The following GRXCR1 variants were observed in gnomAD, a reference collection of about 807,000 sequenced individuals.
GRXCR1 encodes the protein glutaredoxin and cysteine rich domain containing 1.
Under a neutral mutation model 27.3 loss-of-function variants are expected in GRXCR1, and 27 were observed. The observed-to-expected ratio is 0.99, with a 90% CI of 0.73 to 1.37. The LOEUF (loss-of-function observed/expected upper bound fraction) is 1.37. Among genes scored for constraint, GRXCR1 ranks in the 40% most tolerant of loss-of-function variants. The probability of loss-of-function intolerance (pLI) is 0.00; values close to 1 mark genes in which losing one functional copy is unlikely to be tolerated. For missense variants in GRXCR1, 379 were observed against 354.4 expected (o/e 1.07, Z -0.56); for synonymous variants, 122 against 131.1 (o/e 0.93, Z 0.47).
chr4:42,930,799 G>C (rs550658680), intron 1 of GRXCR1, among the ~76,000 whole-genome samples: 14 of 152,042 alleles, frequency 9.2e-5, no homozygotes, highest in African/African-American at 3.1e-4. Flanking sequence ...CATAGTCCCT[G>C]GCACATAGAA....
intron 1 of GRXCR1, among the ~76,000 whole-genome samples, chr4:42,915,175 G>A (rs867970206): frequency 3.2e-4 from 49 of 152,102 alleles, no homozygotes; most frequent in Admixed American, 3.1e-3. Context: ...TAAAAGAGGC[G>A]GGGTAAACCT....
chr4:42,980,898 G>T (rs914819254), intron 2 of GRXCR1, among the ~76,000 whole-genome samples: 1 of 150,048 alleles, frequency 6.7e-6, no homozygotes, highest in Non-Finnish European at 1.5e-5. Context: ...CAGTCTTTAT[G>T]TGCCCTTACA....
intron 3 of GRXCR1, among the ~76,000 whole-genome samples, chr4:43,020,858 G>A (rs185703615): frequency 1.4e-4 from 22 of 152,242 alleles, no homozygotes; most frequent in Non-Finnish European, 2.6e-4. Flanking sequence ...GTATTCCTGT[G>A]CTTATACATA....
intron 1 of GRXCR1, among the ~76,000 whole-genome samples, chr4:42,961,725 G>T (rs778808339): frequency 2.0e-4 from 30 of 151,918 alleles, no homozygotes; most frequent in Non-Finnish European, 4.0e-4. Flanking sequence ...CTCTCCATAA[G>T]GTGGAGAACT....
At chr4:42,974,606 G>C (rs978145687) in intron 2 of GRXCR1, among the ~76,000 whole-genome samples, 6 of 152,054 alleles carry the variant, frequency 3.9e-5, no homozygotes, top group Non-Finnish European at 8.8e-5. Context: ...TATAGGGCCG[G>C]TTTCAGTCCC....
chr4:42,934,656 G>A (rs1328689972), intron 1 of GRXCR1, among the ~76,000 whole-genome samples: 2 of 151,836 alleles, frequency 1.3e-5, no homozygotes, highest in Non-Finnish European at 2.9e-5. Flanking sequence ...TCTATTTTGT[G>A]TTTTTACAAA....
intron 1 of GRXCR1, among the ~76,000 whole-genome samples, chr4:42,907,457 C>T (rs1308412243): frequency 6.6e-6 from 1 of 152,160 alleles, no homozygotes; most frequent in Non-Finnish European, 1.5e-5. Flanking sequence ...AGACACCTCT[C>T]CTCTTAGCTA....
rs375277836 is a variant in GRXCR1 at position 42,927,896 on chromosome 4, A to G, written c.384+34246A>G. ...GGAAGTGATCTCAGGAAGCCCCTGT[A>G]GGAGAGTGGGGATTGAGCAGAGAAG... On this transcript the variant is annotated intron_variant, in intron 1 of 3. Transcript: ENST00000399770. Among the ~76,000 whole-genome samples, 5 of 151,962 alleles carry G rather than the reference A, an allele frequency of 3.3e-5. No homozygotes were observed. The East Asian group carries it at 9.7e-4, about 30-fold the overall frequency.
chr4:42,986,393 G>A (rs954434531), intron 2 of GRXCR1, among the ~76,000 whole-genome samples: 3 of 152,212 alleles, frequency 2.0e-5, no homozygotes, highest in Admixed American at 6.5e-5. Context: ...TGGGCCCAGG[G>A]GCCAGTCAAT....
At chr4:42,979,318 G>A (rs182597283) in intron 2 of GRXCR1, among the ~76,000 whole-genome samples, 187 of 152,136 alleles carry the variant, frequency 1.2e-3, no homozygotes, top group African/African-American at 4.3e-3. Context: ...TTAGCTATGA[G>A]TTTGTGATAT....
chr4:42,906,749 C>T (rs1055020411), intron 1 of GRXCR1, among the ~76,000 whole-genome samples: 2 of 152,118 alleles, frequency 1.3e-5, no homozygotes, highest in African/African-American at 2.4e-5. Flanking sequence ...TGGAAACTAT[C>T]GCAGGTGCCT....
At chr4:42,921,296 A>G (rs1243918982) in intron 1 of GRXCR1, among the ~76,000 whole-genome samples, 1 of 152,132 alleles carries the variant, frequency 6.6e-6, no homozygotes, top group Non-Finnish European at 1.5e-5. Flanking sequence ...CCCACCCTCT[A>G]GAACTCAGAG....
intron 2 of GRXCR1, among the ~76,000 whole-genome samples, chr4:42,970,859 G>A (rs1271854669): frequency 2.6e-5 from 4 of 152,056 alleles, no homozygotes; most frequent in African/African-American, 9.7e-5. Flanking sequence ...TCTACCACAT[G>A]GTCAGGCTGC....
intron 1 of GRXCR1, among the ~76,000 whole-genome samples, chr4:42,954,271 C>T (rs1282947136): frequency 1.3e-5 from 2 of 152,134 alleles, no homozygotes; most frequent in Admixed American, 6.6e-5. Context: ...TGAGAAGTGA[C>T]ATTTAACCAG....
At chr4:42,995,098 A>C (rs1199173276) in intron 2 of GRXCR1, among the ~76,000 whole-genome samples, 2 of 152,190 alleles carry the variant, frequency 1.3e-5, no homozygotes, top group East Asian at 1.9e-4. Context: ...GTCTATATAC[A>C]TAAACTTGGG....
chr4:42,950,671 A>G (rs12501034), intron 1 of GRXCR1, among the ~76,000 whole-genome samples: 7,756 of 152,204 alleles, frequency 0.051, 258 homozygotes, highest in African/African-American at 0.091. Context: ...TTTATAATTA[A>G]CAATGTGTCT....
intron 1 of GRXCR1, among the ~76,000 whole-genome samples, chr4:42,959,662 C>A (rs1327129214): frequency 6.6e-6 from 1 of 151,864 alleles, no homozygotes; most frequent in Non-Finnish European, 1.5e-5. Flanking sequence ...GTATGTACAA[C>A]TTAAAAATAT....
At chr4:43,023,598 A>G (rs979548406) in intron 3 of GRXCR1, among the ~76,000 whole-genome samples, 4 of 152,194 alleles carry the variant, frequency 2.6e-5, no homozygotes, top group African/African-American at 9.6e-5. Flanking sequence ...GGTTGTACCA[A>G]TGGGGACTGT....
At chr4:42,909,688 T>C (rs1202696876) in intron 1 of GRXCR1, among the ~76,000 whole-genome samples, 1 of 152,210 alleles carries the variant, frequency 6.6e-6, no homozygotes, top group Non-Finnish European at 1.5e-5. Flanking sequence ...CTTCCTATTT[T>C]CTTTTCCAGC....
Sources: gnomAD v4.1 joint callset for allele counts (sites outside exome capture counted in the v4.1 genomes callset) on GRCh38, gnomAD v4.1.1 for gene constraint, MANE v1.5 for transcripts, NCBI Gene and HGNC (gene_info 2026-07-23, HGNC 2026-07-21) for gene names.